Variants in LMNA observed in about 807,000 individuals in gnomAD.
LMNA encodes lamin.
In LMNA, 20 loss-of-function variants were observed where a neutral mutation model predicts 70.4. The ratio of observed to expected loss-of-function variants is 0.28; its 90% CI spans 0.20 to 0.41. LMNA has a LOEUF of 0.41. Among genes scored for constraint, LMNA ranks in the 10% least tolerant of loss-of-function variants. The pLI is 1.00. For synonymous variants in LMNA, 339 were observed against 372.8 expected (o/e 0.91, Z 1.04); for missense variants, 652 against 917.2 (o/e 0.71, Z 3.73).
At chr1:156,096,187 C>CT (rs1200282416) in intron 3 of LMNA, among the ~76,000 whole-genome samples, 2 of 152,114 alleles carry the variant, frequency 1.3e-5, no homozygotes, top group Non-Finnish European at 2.9e-5. Context: ...CTCTCCTCCT[C>CT]TGTCTACACA....
At chr1:156,130,326 G>C (rs931597558) in intron 1 of LMNA, among the ~76,000 whole-genome samples, 2 of 152,128 alleles carry the variant, frequency 1.3e-5, no homozygotes, top group African/African-American at 2.4e-5. Flanking sequence ...GAGAGAGAGG[G>C]AAAAGCATTC....
chr1:156,111,076 T>C (rs1433490477), upstream of LMNA, among the ~76,000 whole-genome samples: 3 of 152,038 alleles, frequency 2.0e-5, no homozygotes, highest in Non-Finnish European at 4.4e-5. Context: ...CTTTCAGGAA[T>C]GGGGGTCACA....
At chr1:156,107,803 TTTC>T (rs1649406599) in intron 3 of LMNA, among the ~76,000 whole-genome samples, 1 of 151,876 alleles carries the variant, frequency 6.6e-6, no homozygotes, top group Non-Finnish European at 1.5e-5. Flanking sequence ...TTGTTTTTTT[TTTC>T]TTTTTTTTCT....
At chr1:156,133,570 C>CA (rs891134616) in intron 2 of LMNA, among the ~76,000 whole-genome samples, 43 of 146,208 alleles carry the variant, frequency 2.9e-4, no homozygotes, top group South Asian at 2.8e-3. Context: ...GACTCCATCT[C>CA]AAAAAAAAAA....
chr1:156,139,908 A>AGAGG lies in LMNA; in HGVS notation c.*807_*810dup. On this transcript the variant is annotated 3_prime_UTR_variant, in exon 12 of 12. Transcript: ENST00000368300. ...GCCAAGTGGGGTGCTGGGAGGAGGGAGAGGGAGGTCACTGGAAAGGGGAGA... is the reference window on the plus strand; with the variant it reads ...GCCAAGTGGGGTGCTGGGAGGAGGGAGAGGGAGGGAGGTCACTGGAAAGGGGAGA... The AGAGG allele has an allele frequency of 7.4e-7, 1 of 1,354,722 alleles. No individual in the cohort carries two copies. The highest frequency in any genetic ancestry group is 9.7e-7 in the Non-Finnish European group (1 of 1,028,570). The allele number at this position is 1,354,722 out of a possible 1,614,324, so 83.9% of individuals were successfully genotyped here. A position where few individuals can be genotyped will look rare whatever the true frequency, so the allele number is the denominator to read the frequency against.
chr1:156,119,564 C>T (rs1650056775), intron 1 of LMNA, among the ~76,000 whole-genome samples: 1 of 152,206 alleles, frequency 6.6e-6, no homozygotes, highest in Admixed American at 6.5e-5. Flanking sequence ...CCTGGTACCC[C>T]CTGCCCCTTC....
In LMNA at chr1:156,137,967, C is replaced by G. The variant is rs1227951876; in HGVS notation, c.1698+224C>G. On this transcript the variant is annotated intron_variant, in intron 10 of 11. Coordinates refer to ENST00000368300, the MANE Select transcript of LMNA (RefSeq NM_170707.4). This position sits in a 1 kb window ranked among gnomAD's most constrained non-coding sequence, Gnocchi z 4.6. Reference sequence around the variant, plus strand: ...TGGTAAGGAAGGGAGTGGGAACTTTCTGATGCCATGGAATATTCCTGTGGG... The same window carrying G: ...TGGTAAGGAAGGGAGTGGGAACTTTGTGATGCCATGGAATATTCCTGTGGG... 2 of 872,864 alleles carry G rather than the reference C, an allele frequency of 2.3e-6. No individual in the cohort carries two copies. The highest frequency in any genetic ancestry group is 2.8e-5 in the Admixed American group (1 of 35,744). The allele number at this position is 872,864 out of a possible 1,614,324, so 54.1% of individuals were successfully genotyped here. A position where few individuals can be genotyped will look rare whatever the true frequency, so the allele number is the denominator to read the frequency against.
chr1:156,129,980 C>A, intron 1 of LMNA: 1 of 690,742 alleles, frequency 1.4e-6, no homozygotes. Flanking sequence ...CTGTTCAGTG[C>A]AGATCAGGGC....
chr1:156,134,619 G>A lies in LMNA; in HGVS notation c.639+91G>A, dbSNP rs1391635992. ...GGGGGACCAGCTGTGTGCAGAGCTCGCCTTCCTGAGTCCCTTGCCCTAGTG... is the reference window on the plus strand; with the variant it reads ...GGGGGACCAGCTGTGTGCAGAGCTCACCTTCCTGAGTCCCTTGCCCTAGTG... On this transcript the variant is annotated intron_variant, in intron 3 of 11. Coordinates refer to ENST00000368300, the MANE Select transcript of LMNA (RefSeq NM_170707.4). The surrounding 1 kb of genome is among the most constrained non-coding windows in gnomAD (Gnocchi z 5.3). The A allele has an allele frequency of 3.3e-5, 52 of 1,584,056 alleles. No individual in the cohort carries two copies. Among genetic ancestry groups the A allele is most frequent in the Non-Finnish European group, 3.2e-5 (37 of 1,156,874 alleles).
At chr1:156,101,653 AGG>A (rs1649146997) in intron 3 of LMNA, among the ~76,000 whole-genome samples, 1 of 40,038 alleles carries the variant, frequency 2.5e-5, no homozygotes, top group Non-Finnish European at 4.8e-5. Flanking sequence ...GGAGGGAGGG[AGG>A]GAGGGAGGGA....
chr1:156,102,044 C>T (rs1312968108), intron 3 of LMNA, among the ~76,000 whole-genome samples: 2 of 152,170 alleles, frequency 1.3e-5, no homozygotes, highest in Admixed American at 6.5e-5. Flanking sequence ...GAGTGGAAGG[C>T]CACTCACCCT....
Position 156,136,802 on chromosome 1 carries a change from G to A in LMNA, c.1381-119G>A, listed in dbSNP as rs1651678670. On this transcript the variant is annotated intron_variant, in intron 7 of 11. Coordinates refer to ENST00000368300, the MANE Select transcript of LMNA (RefSeq NM_170707.4). This position sits in a 1 kb window ranked among gnomAD's most constrained non-coding sequence, Gnocchi z 6.1. ...GGGGGAAGGGCAGTGACAGGGGTGT[G>A]TGTAGATGGAAGGAGAGGCCTCAAT... The A allele has an allele frequency of 2.5e-6, 2 of 812,944 alleles. No homozygotes were observed. The highest frequency in any genetic ancestry group is 2.9e-5 in the South Asian group (2 of 68,878). The allele number at this position is 812,944 out of a possible 1,614,324, so 50.4% of individuals were successfully genotyped here.
rs150913501 is a variant in LMNA, at chr1:156,096,333, C to T, written c.-207+5751C>T. Among the ~76,000 whole-genome samples the T allele has an allele frequency of 2.8e-4, 43 of 152,352 alleles. No homozygotes were observed. In the East Asian group the frequency reaches 7.7e-3, roughly 27 times the overall value. On this transcript the variant is annotated intron_variant, in intron 3 of 12. Transcript: ENST00000368301. ...CCTGTGAGCCCTATGCAAATTACCG[C>T]ACATCTCTGAACCTGTTTTCCCATC...
intron 2 of LMNA, among the ~76,000 whole-genome samples, chr1:156,131,312 G>A (rs1172051766): frequency 2.6e-5 from 4 of 152,130 alleles, no homozygotes; most frequent in Non-Finnish European, 4.4e-5. Context: ...TCCAGGCCAT[G>A]TGTGGTGGCT....
chr1:156,123,841 C>T (rs915945649), intron 1 of LMNA, among the ~76,000 whole-genome samples: 1 of 152,226 alleles, frequency 6.6e-6, no homozygotes, highest in African/African-American at 2.4e-5. Flanking sequence ...CACGTTGATA[C>T]GCCCAGCAGC....
At chr1:156,095,349 T>C (rs958268900) in intron 3 of LMNA, among the ~76,000 whole-genome samples, 1 of 152,148 alleles carries the variant, frequency 6.6e-6, no homozygotes, top group Non-Finnish European at 1.5e-5. Flanking sequence ...TAAAAATTTA[T>C]TGAGTAAATG....
Position 156,134,978 on chromosome 1 carries a change from G to T in LMNA, c.810+3G>T. ...TGGAGAAGACTTATTCTGCCAAGGT[G>T]CTTGCTCTCGATTGGTTCCCTCACT... On this transcript the variant is annotated splice_donor_region_variant and intron_variant, in intron 4 of 11. Transcript: ENST00000368300. The surrounding 1 kb of genome is among the most constrained non-coding windows in gnomAD (Gnocchi z 5.3). The T allele has an allele frequency of 6.2e-7, 1 of 1,614,172 alleles. No homozygotes were observed. Among genetic ancestry groups the T allele is most frequent in the Non-Finnish European group, 8.5e-7 (1 of 1,180,034 alleles).
intron 3 of LMNA, among the ~76,000 whole-genome samples, chr1:156,106,097 T>C (rs1649325569): frequency 6.7e-6 from 1 of 150,290 alleles, no homozygotes; most frequent in South Asian, 2.1e-4. Context: ...ATCGCGCCAC[T>C]ACACTCCAGC....
chr1:156,129,427 T>C (rs1650858361), intron 1 of LMNA, among the ~76,000 whole-genome samples: 2 of 152,180 alleles, frequency 1.3e-5, no homozygotes, highest in African/African-American at 4.8e-5. Flanking sequence ...CTCTTGGAGT[T>C]TAGGACTTTT....
Sources: allele counts gnomAD v4.1 joint callset (sites outside exome capture counted in the v4.1 genomes callset), GRCh38; gene constraint gnomAD v4.1.1; non-coding constraint Gnocchi (gnomAD v3.1); transcripts MANE v1.5; gene names NCBI Gene and HGNC (gene_info 2026-07-23, HGNC 2026-07-21).